The following CAMSAP2 variants were observed in gnomAD, a reference collection of about 807,000 sequenced individuals.
The protein encoded by CAMSAP2 is calmodulin-regulated spectrin-associated protein 2.
Under a neutral mutation model 146.1 loss-of-function variants are expected in CAMSAP2, and 26 were observed. The observed-to-expected ratio is 0.18, with a 90% CI of 0.13 to 0.25. The LOEUF is 0.25. CAMSAP2 is among the 10% of genes least tolerant of loss of function. CAMSAP2 has a pLI of 1.00. For missense variants in CAMSAP2, 1,381 were observed against 1,759.3 expected, an observed-to-expected ratio of 0.78 and a Z score of 3.85; for synonymous variants, 499 against 596.6, an observed-to-expected ratio of 0.84 and a Z score of 2.38.
chr1:200,820,406 A>G (rs1429300325), intron 4 of CAMSAP2, among the ~76,000 whole-genome samples: 2 of 152,200 alleles, frequency 1.3e-5, no homozygotes, highest in Non-Finnish European at 2.9e-5. Flanking sequence ...GGCATTTGCT[A>G]CTTTTTAAAA....
At chr1:200,743,366 T>G (rs1395481695) in intron 1 of CAMSAP2, among the ~76,000 whole-genome samples, 1 of 152,192 alleles carries the variant, frequency 6.6e-6, no homozygotes, top group African/African-American at 2.4e-5. Flanking sequence ...TAAATATACC[T>G]TGTTACATTT....
rs547437225 is a variant in CAMSAP2 at position 200,763,911 on chromosome 1, T to C, written c.399+2813T>C. The stretch of plus-strand genomic sequence containing the variant: ...CAACATGGCGAAACCCCATCTCTAC[T>C]AAAAATACAAAAATTAGCCAGGTGT... On this transcript the variant is annotated intron_variant, in intron 2 of 16. Transcript: ENST00000358823. 2.0e-5 allele frequency among the ~76,000 whole-genome samples: 3 copies of C among 152,094 alleles called. No homozygotes were observed. The East Asian group carries it at 5.8e-4, about 30-fold the overall frequency.
intron 1 of CAMSAP2, among the ~76,000 whole-genome samples, chr1:200,749,809 A>T (rs1423190246): frequency 1.3e-5 from 2 of 152,142 alleles, no homozygotes; most frequent in African/African-American, 4.8e-5. Flanking sequence ...CTTTCTCTTT[A>T]TGGGGGGGAA....
chr1:200,807,387 G>T lies in CAMSAP2; in HGVS notation c.411G>T (p.Leu137Phe). The T allele has an allele frequency of 6.5e-7, 1 of 1,535,476 alleles. No individual in the cohort carries two copies. Among genetic ancestry groups the T allele is most frequent in the South Asian group, 1.3e-5 (1 of 77,478 alleles). The change falls in exon 3 of 17, where the codon TTG (leucine) becomes TTT (phenylalanine). Residue 137 changes from leucine (L) to phenylalanine (F), a missense_variant. Leu to Phe is a conservative substitution (Grantham distance 22). Transcript: ENST00000358823. ...HKKPIQMSAHLAMIDTLMMAY... is the reference protein window; with the variant it reads ...HKKPIQMSAHFAMIDTLMMAY... ...TTTTATATTTTCAGAGTGCACATTT[G>T]GCCATGATCGATACCCTCATGATGG...
At chr1:200,745,210 C>T (rs1007352007) in intron 1 of CAMSAP2, among the ~76,000 whole-genome samples, 3 of 152,128 alleles carry the variant, frequency 2.0e-5, no homozygotes, top group African/African-American at 7.2e-5. Flanking sequence ...TTAGCGGCAT[C>T]TGTGGCCTCT....
intron 4 of CAMSAP2, among the ~76,000 whole-genome samples, chr1:200,816,626 G>GTATA (rs1307639724): frequency 1.5e-5 from 2 of 134,592 alleles, no homozygotes; most frequent in African/African-American, 5.4e-5. Context: ...ATATATATAT[G>GTATA]TATATATATA....
At chr1:200,783,752 G>A (rs540516187) in intron 2 of CAMSAP2, among the ~76,000 whole-genome samples, 18 of 152,264 alleles carry the variant, frequency 1.2e-4, no homozygotes, top group African/African-American at 3.9e-4. Flanking sequence ...GCCTCCCAAA[G>A]TGCCGGGATT....
At chr1:200,807,279 G>T in intron 2 of CAMSAP2, 97 bp from the exon 3 acceptor site, 2 of 911,998 alleles carry the variant, frequency 2.2e-6, no homozygotes, top group East Asian at 2.9e-5. Flanking sequence ...TAGTTATTCT[G>T]CTGCTTGTTA....
intron 2 of CAMSAP2, among the ~76,000 whole-genome samples, chr1:200,793,000 A>G (rs1021019514): frequency 1.3e-5 from 2 of 152,222 alleles, no homozygotes; most frequent in Non-Finnish European, 2.9e-5. Flanking sequence ...AGTTTAATAA[A>G]AAGATGTATG....
intron 2 of CAMSAP2, among the ~76,000 whole-genome samples, chr1:200,806,785 C>G (rs928717701): frequency 4.6e-5 from 7 of 150,898 alleles, no homozygotes; most frequent in South Asian, 2.1e-4. Context: ...ATCTATCTAT[C>G]TATCTATCTA....
At chr1:200,797,973 G>C (rs1665931968) in intron 2 of CAMSAP2, among the ~76,000 whole-genome samples, 1 of 152,150 alleles carries the variant, frequency 6.6e-6, no homozygotes, top group African/African-American at 2.4e-5. Context: ...TCAAAGATCA[G>C]ATAGTTGTAG....
At position 200,765,223 on chromosome 1, in the gene CAMSAP2, A is replaced by G. The variant is rs139417138; in HGVS notation, c.399+4125A>G. On this transcript the variant is annotated intron_variant, in intron 2 of 16. Coordinates refer to ENST00000358823, the MANE Select transcript of CAMSAP2 (RefSeq NM_203459.4). ...TATCAGTCAAACTTGCCTTAGTCAT[A>G]CTTCTTTATTTATTTATTTTTTCGA... Among the ~76,000 whole-genome samples, 62 of 152,134 alleles carry G rather than the reference A, an allele frequency of 4.1e-4. 1 individual carries two copies. The East Asian group carries it at 0.011, about 28-fold the overall frequency.
chr1:200,843,279 T>C (rs1667374105), intron 7 of CAMSAP2, among the ~76,000 whole-genome samples: 1 of 152,114 alleles, frequency 6.6e-6, no homozygotes, highest in South Asian at 2.1e-4. Context: ...GAAAAACATA[T>C]GTAGCCAAAG....
rs1157184555 is a variant in CAMSAP2 at position 200,739,797 on chromosome 1, G to T, written c.-31G>T. The T allele has an allele frequency of 1.9e-6, 3 of 1,608,804 alleles. No homozygotes were observed. The highest frequency in any genetic ancestry group is 2.2e-5 in the East Asian group (1 of 44,676). On this transcript the variant is annotated 5_prime_UTR_variant, in exon 1 of 17. Coordinates refer to ENST00000358823, the MANE Select transcript of CAMSAP2 (RefSeq NM_203459.4). The surrounding 1 kb of genome is among the most constrained non-coding windows in gnomAD (Gnocchi z 4.8). ...GAGGCCACGCCATGTGAAGGTTAGG[G>T]CCGGGACATCCCGAGGAGCCGCGGT...
chr1:200,846,126 ACATT>A (rs1667454149), intron 8 of CAMSAP2, among the ~76,000 whole-genome samples: 1 of 152,226 alleles, frequency 6.6e-6, no homozygotes, highest in Non-Finnish European at 1.5e-5. Flanking sequence ...TATGAGTAAA[ACATT>A]CAAAGTAATT....
rs67551824 is a variant in CAMSAP2 at position 200,853,000 on chromosome 1, TACAC to T, written c.3603-248_3603-245del. Among the ~76,000 whole-genome samples the T allele has an allele frequency of 2.8e-3, 407 of 147,576 alleles. 2 individuals carry two copies. Among genetic ancestry groups the T allele is most frequent in the African/African-American group, 7.3e-3 (298 of 40,792 alleles). ...ACATTAAAATAACTTTCCTGGGAGA[TACAC>T]ACACACACACACACACACACACACA... On this transcript the variant is annotated intron_variant, in intron 12 of 16. Coordinates refer to ENST00000358823, the MANE Select transcript of CAMSAP2 (RefSeq NM_203459.4).
intron 4 of CAMSAP2, among the ~76,000 whole-genome samples, chr1:200,827,812 G>A (rs1666942310): frequency 6.6e-6 from 1 of 152,102 alleles, no homozygotes; most frequent in African/African-American, 2.4e-5. Context: ...AGAGCCAGAA[G>A]CTGTTTTAGC....
chr1:200,830,443 T>C (rs1667013857), intron 4 of CAMSAP2, among the ~76,000 whole-genome samples: 1 of 152,218 alleles, frequency 6.6e-6, no homozygotes, highest in Non-Finnish European at 1.5e-5. Flanking sequence ...CTTGGCTTAG[T>C]CCAATTCAGG....
At chr1:200,771,000 A>T (rs547374560) in intron 2 of CAMSAP2, among the ~76,000 whole-genome samples, 53 of 152,316 alleles carry the variant, frequency 3.5e-4, no homozygotes, top group Admixed American at 3.9e-4. Context: ...CTACAAATGC[A>T]TCCTGCAGCC....
Sources: gnomAD v4.1 joint callset for allele counts (sites outside exome capture counted in the v4.1 genomes callset) on GRCh38, gnomAD v4.1.1 for gene constraint, Gnocchi (gnomAD v3.1) non-coding constraint, MANE v1.5 for transcripts, NCBI Gene and HGNC (gene_info 2026-07-23, HGNC 2026-07-21) for gene names.